Variants in KIRREL3 observed in about 807,000 individuals in gnomAD.
KIRREL3 encodes the protein kirre like nephrin family adhesion molecule 3.
Under a neutral mutation model 89.7 loss-of-function variants are expected in KIRREL3, and 36 were observed. The observed-to-expected ratio is 0.40, with a 90% CI of 0.31 to 0.53. The LOEUF is 0.53. Among genes scored for constraint, KIRREL3 ranks in the 20% least tolerant of loss-of-function variants. KIRREL3 has a pLI of 0.49. For synonymous variants in KIRREL3, 445 were observed against 441.4 expected (o/e 1.01, Z -0.10); for missense variants, 864 against 1,056.6 (o/e 0.82, Z 2.53).
intron 1 of KIRREL3, among the ~76,000 whole-genome samples, chr11:126,914,053 T>C (rs1946937888): frequency 6.6e-6 from 1 of 152,242 alleles, no homozygotes; most frequent in South Asian, 2.1e-4. Context: ...TGACTTTCTT[T>C]GGCCAATGGA....
intron 1 of KIRREL3, among the ~76,000 whole-genome samples, chr11:126,984,506 C>T (rs79518046): frequency 0.016 from 2,399 of 152,234 alleles, 61 homozygotes; most frequent in African/African-American, 0.055. Flanking sequence ...TAAAAGGTTG[C>T]CCTGGGAAAA....
At position 126,501,316 on chromosome 11, in the gene KIRREL3, T is replaced by C. The variant is rs1187296751; in HGVS notation, c.433+19999A>G. Among the ~76,000 whole-genome samples the C allele has an allele frequency of 1.3e-5, 2 of 152,192 alleles. No individual in the cohort carries two copies. Among genetic ancestry groups the C allele is most frequent in the African/African-American group, 4.8e-5 (2 of 41,448 alleles). Reference sequence around the variant, plus strand: ...CGGTTGTAGTTCTAAAGCCTATTCATTTCCTCCATGTTCACATCTTTAAGA... The same window carrying C: ...CGGTTGTAGTTCTAAAGCCTATTCACTTCCTCCATGTTCACATCTTTAAGA... On this transcript the variant is annotated intron_variant, in intron 4 of 16. Transcript: ENST00000525144. The surrounding 1 kb of genome is among the most constrained non-coding windows in gnomAD (Gnocchi z 5.8).
chr11:126,502,974 C>G (rs1242060964), intron 4 of KIRREL3, among the ~76,000 whole-genome samples: 1 of 152,146 alleles, frequency 6.6e-6, no homozygotes. Context: ...GCTGATTTCT[C>G]CCTCATTGGG....
chr11:126,638,703 T>C (rs1345648977), intron 1 of KIRREL3, among the ~76,000 whole-genome samples: 1 of 152,194 alleles, frequency 6.6e-6, no homozygotes, highest in East Asian at 1.9e-4. Context: ...AGTTGTAGTC[T>C]TAGATGAGCT....
intron 2 of KIRREL3, among the ~76,000 whole-genome samples, chr11:126,547,575 G>T (rs1397403390): frequency 6.6e-6 from 1 of 152,168 alleles, no homozygotes; most frequent in Non-Finnish European, 1.5e-5. Flanking sequence ...TAGAGCTGAA[G>T]CTCCCCTCCT....
At position 126,474,331 on chromosome 11, in the gene KIRREL3, AC is replaced by A. The variant is rs1353945342; in HGVS notation, c.434-866del. On this transcript the variant is annotated intron_variant, in intron 4 of 16. Transcript: ENST00000525144. This position sits in a 1 kb window ranked among gnomAD's most constrained non-coding sequence, Gnocchi z 6.7. ...ACAGTCTGGTGAGGTCAACATTACCACCCCAATGACACAGATCCGGAAGCCG... is the reference window on the plus strand; with the variant it reads ...ACAGTCTGGTGAGGTCAACATTACCACCCAATGACACAGATCCGGAAGCCG... Among the ~76,000 whole-genome samples the A allele has an allele frequency of 3.3e-5, 5 of 152,010 alleles. 1 individual carries two copies. The highest frequency in any genetic ancestry group is 1.5e-5 in the Non-Finnish European group (1 of 67,994).
chr11:126,799,186 G>A (rs568607175), intron 1 of KIRREL3, among the ~76,000 whole-genome samples: 3 of 128,426 alleles, frequency 2.3e-5, no homozygotes, highest in Admixed American at 7.3e-5. Flanking sequence ...GTGTACCTAT[G>A]GGTATCTGTG....
chr11:126,842,434 G>C lies in KIRREL3; in HGVS notation c.55+158021C>G, dbSNP rs527398017. Among the ~76,000 whole-genome samples the C allele has an allele frequency of 2.0e-5, 3 of 152,278 alleles. No homozygotes were observed. The East Asian group carries it at 5.8e-4, about 29-fold the overall frequency. On this transcript the variant is annotated intron_variant, in intron 1 of 16. Transcript: ENST00000525144. Reference sequence around the variant, plus strand: ...CTATCTACTCTGTTCTCAGTGGAGAGGGCTGACACCTGGCCCCTTCCTTCT... The same window carrying C: ...CTATCTACTCTGTTCTCAGTGGAGACGGCTGACACCTGGCCCCTTCCTTCT...
At chr11:126,619,714 A>C (rs1338828008) in intron 1 of KIRREL3, among the ~76,000 whole-genome samples, 1 of 152,240 alleles carries the variant, frequency 6.6e-6, no homozygotes, top group Non-Finnish European at 1.5e-5. Context: ...TGACTGACCA[A>C]GAGTCACACA....
chr11:126,800,616 A>G (rs911884765), intron 1 of KIRREL3, among the ~76,000 whole-genome samples: 1 of 152,184 alleles, frequency 6.6e-6, no homozygotes, highest in Non-Finnish European at 1.5e-5. Context: ...TTCTGCCTGC[A>G]AACAGCATTT....
At chr11:126,951,443 G>A (rs1252628758) in intron 1 of KIRREL3, among the ~76,000 whole-genome samples, 6 of 152,192 alleles carry the variant, frequency 3.9e-5, no homozygotes, top group Non-Finnish European at 7.3e-5. Flanking sequence ...ACACACCGTA[G>A]ATGCTCAGTA....
At chr11:126,880,854 T>C (rs1346511512) in intron 1 of KIRREL3, among the ~76,000 whole-genome samples, 1 of 152,232 alleles carries the variant, frequency 6.6e-6, no homozygotes, top group Non-Finnish European at 1.5e-5. Flanking sequence ...AGAAAGAGGC[T>C]TTGTGGAATG....
At position 126,684,350 on chromosome 11, in the gene KIRREL3, C is replaced by A. The variant is rs1414718757; in HGVS notation, c.56-121438G>T. On this transcript the variant is annotated intron_variant, in intron 1 of 16. Transcript: ENST00000525144. This position sits in a 1 kb window ranked among gnomAD's most constrained non-coding sequence, Gnocchi z 4.2. ...ATATTTTGAACAGCAGAATCCTTAT[C>A]ACAAAGCCAATGGAAACAAAGAAGT... Among the ~76,000 whole-genome samples, 5 of 152,230 alleles carry A rather than the reference C, an allele frequency of 3.3e-5. No individual in the cohort carries two copies. Among genetic ancestry groups the A allele is most frequent in the Non-Finnish European group, 7.3e-5 (5 of 68,046 alleles).
chr11:126,650,971 A>G (rs1394057144), intron 1 of KIRREL3, among the ~76,000 whole-genome samples: 1 of 152,246 alleles, frequency 6.6e-6, no homozygotes, highest in Non-Finnish European at 1.5e-5. Context: ...GAGAAGAATG[A>G]GGAAGATGCA....
At chr11:126,934,335 G>A (rs1268775612) in intron 1 of KIRREL3, among the ~76,000 whole-genome samples, 1 of 152,182 alleles carries the variant, frequency 6.6e-6, no homozygotes, top group East Asian at 1.9e-4. Flanking sequence ...TGACATAAAT[G>A]TAGAAGCTAA....
At chr11:126,493,386 T>A (rs1439393988) in intron 4 of KIRREL3, among the ~76,000 whole-genome samples, 1 of 152,074 alleles carries the variant, frequency 6.6e-6, no homozygotes, top group African/African-American at 2.4e-5. Context: ...CCGGGCACAG[T>A]GGCTCACGCC....
intron 1 of KIRREL3, among the ~76,000 whole-genome samples, chr11:126,930,330 C>T (rs1947897311): frequency 6.6e-6 from 1 of 152,106 alleles, no homozygotes; most frequent in Non-Finnish European, 1.5e-5. Flanking sequence ...CCCAAGAAAG[C>T]CCTCTCTCCC....
intron 2 of KIRREL3, among the ~76,000 whole-genome samples, chr11:126,545,099 T>C (rs1366228134): frequency 6.6e-6 from 1 of 152,220 alleles, no homozygotes; most frequent in Non-Finnish European, 1.5e-5. Flanking sequence ...AATGTCATTG[T>C]GGTGTTTATT....
At chr11:126,646,358 G>A (rs1944670733) in intron 1 of KIRREL3, among the ~76,000 whole-genome samples, 1 of 151,990 alleles carries the variant, frequency 6.6e-6, no homozygotes, top group Non-Finnish European at 1.5e-5. Flanking sequence ...CTGATCTGCA[G>A]TTGACCTCTT....
Sources: allele counts gnomAD v4.1 joint callset (sites outside exome capture counted in the v4.1 genomes callset), GRCh38; gene constraint gnomAD v4.1.1; non-coding constraint Gnocchi (gnomAD v3.1); transcripts MANE v1.5; gene names NCBI Gene and HGNC (gene_info 2026-07-23, HGNC 2026-07-21).